Variants in STAG1 observed in about 807,000 individuals in gnomAD.
STAG1 encodes STAG1 cohesin complex component.
In STAG1, 26 loss-of-function variants were observed where a neutral mutation model predicts 170.9. The ratio of observed to expected loss-of-function variants is 0.15; its 90% CI spans 0.11 to 0.21. The LOEUF is 0.21. STAG1 is among the 10% of genes least tolerant of loss of function. The pLI is 1.00. For missense variants in STAG1, 964 were observed against 1,509.5 expected, an observed-to-expected ratio of 0.64 and a Z score of 5.99; for synonymous variants, 514 against 497.7, an observed-to-expected ratio of 1.03 and a Z score of -0.44.
chr3:136,462,975 C>A (rs961721659), intron 13 of STAG1, among the ~76,000 whole-genome samples: 1 of 151,954 alleles, frequency 6.6e-6, no homozygotes, highest in Admixed American at 6.6e-5. Flanking sequence ...ACAGAAGCAA[C>A]AAATTATTTC....
intron 6 of STAG1, among the ~76,000 whole-genome samples, chr3:136,541,792 T>A (rs1935917723): frequency 1.3e-5 from 2 of 152,284 alleles, no homozygotes; most frequent in African/African-American, 4.8e-5. Flanking sequence ...TTAATGCAAC[T>A]AGCATTCCAC....
rs192534494 is a variant in STAG1, at chr3:136,342,281, A to C, written c.3447-730T>G. 5.9e-5 allele frequency among the ~76,000 whole-genome samples: 9 copies of C among 151,618 alleles called. No individual in the cohort carries two copies. The East Asian group carries it at 1.8e-3, about 30-fold the overall frequency. ...TGATCCACTTGCCTCGGCCTCCCAA[A>C]GTGCTGGGATTACAGGCATGAGCCA... On this transcript the variant is annotated intron_variant, in intron 30 of 33. Transcript: ENST00000383202.
intron 5 of STAG1, among the ~76,000 whole-genome samples, chr3:136,549,101 G>A (rs1185861247): frequency 6.6e-6 from 1 of 152,076 alleles, no homozygotes; most frequent in Non-Finnish European, 1.5e-5. Context: ...TTACAGCAGT[G>A]GAAACGGACT....
intron 1 of STAG1, among the ~76,000 whole-genome samples, chr3:136,713,263 T>C (rs1943432874): frequency 2.6e-5 from 4 of 151,916 alleles, no homozygotes; most frequent in South Asian, 2.1e-4. Flanking sequence ...TCACAAACAA[T>C]GCTGAGCCAA....
intron 6 of STAG1, among the ~76,000 whole-genome samples, chr3:136,531,092 G>A (rs1242678067): frequency 2.6e-5 from 4 of 152,102 alleles, no homozygotes; most frequent in African/African-American, 9.7e-5. Flanking sequence ...CAACAAGAGC[G>A]AAACTCTGTC....
intron 9 of STAG1, among the ~76,000 whole-genome samples, chr3:136,484,370 G>T (rs1025994224): frequency 6.8e-6 from 1 of 147,008 alleles, no homozygotes; most frequent in African/African-American, 2.5e-5. Flanking sequence ...GCTGTGGGGT[G>T]TCTCCCAGTT....
At chr3:136,436,289 T>C (rs1336374982) in intron 15 of STAG1, among the ~76,000 whole-genome samples, 3 of 151,720 alleles carry the variant, frequency 2.0e-5, no homozygotes, top group Admixed American at 6.6e-5. Context: ...CAGATATTTT[T>C]GGTTTTTTTG....
At chr3:136,368,217 C>T (rs1321798886) in intron 24 of STAG1, among the ~76,000 whole-genome samples, 2 of 152,156 alleles carry the variant, frequency 1.3e-5, no homozygotes, top group South Asian at 2.1e-4. Flanking sequence ...AACAGCCGAA[C>T]AGCATCAAAT....
chr3:136,353,859 C>A (rs1936527751), intron 28 of STAG1, among the ~76,000 whole-genome samples: 1 of 152,088 alleles, frequency 6.6e-6, no homozygotes, highest in South Asian at 2.1e-4. Flanking sequence ...TTTACTTATC[C>A]CTTCTCTCTT....
chr3:136,530,701 A>T (rs1935325875), intron 6 of STAG1, among the ~76,000 whole-genome samples: 1 of 152,194 alleles, frequency 6.6e-6, no homozygotes, highest in East Asian at 1.9e-4. Context: ...AAATCAAAAC[A>T]TGCCTTGAAA....
chr3:136,734,859 T>C (rs1400714447), intron 1 of STAG1, among the ~76,000 whole-genome samples: 1 of 152,206 alleles, frequency 6.6e-6, no homozygotes, highest in Non-Finnish European at 1.5e-5. Flanking sequence ...ATCCTGCCAT[T>C]CGTGACAACA....
intron 16 of STAG1, among the ~76,000 whole-genome samples, chr3:136,430,810 C>A (rs377485580): frequency 1.4e-5 from 1 of 69,528 alleles, no homozygotes; most frequent in East Asian, 2.4e-4. Flanking sequence ...TAGACAGACA[C>A]ACACACACAC....
intron 14 of STAG1, among the ~76,000 whole-genome samples, chr3:136,449,616 A>G (rs1293931583): frequency 2.0e-5 from 3 of 152,098 alleles, no homozygotes; most frequent in Non-Finnish European, 4.4e-5. Flanking sequence ...AATACATTCT[A>G]ATTCTGTTGT....
At chr3:136,508,346 A>C (rs1933874104) in intron 7 of STAG1, among the ~76,000 whole-genome samples, 1 of 152,140 alleles carries the variant, frequency 6.6e-6, no homozygotes, top group Non-Finnish European at 1.5e-5. Context: ...AAAGCTTAAG[A>C]GAAAAAATAG....
intron 6 of STAG1, among the ~76,000 whole-genome samples, chr3:136,537,570 G>A (rs1424754293): frequency 6.8e-6 from 1 of 147,394 alleles, no homozygotes; most frequent in Non-Finnish European, 1.5e-5. Context: ...GCGTGATCTC[G>A]GTTCACTGCA....
At chr3:136,647,889 C>T (rs1576712128) in intron 1 of STAG1, among the ~76,000 whole-genome samples, 1 of 152,144 alleles carries the variant, frequency 6.6e-6, no homozygotes, top group Non-Finnish European at 1.5e-5. Context: ...ATTGAAAATA[C>T]TCTTTGGAAA....
intron 3 of STAG1, among the ~76,000 whole-genome samples, chr3:136,611,181 C>T (rs117817168): frequency 0.011 from 1,652 of 152,232 alleles, 26 homozygotes; most frequent in East Asian, 0.045. Context: ...CACAGTTTCA[C>T]TCTTGCCGCC....
chr3:136,446,659 G>C (rs1002050570), intron 14 of STAG1, among the ~76,000 whole-genome samples: 1 of 151,994 alleles, frequency 6.6e-6, no homozygotes, highest in African/African-American at 2.4e-5. Context: ...CTGACCTCAA[G>C]TGATCCACCC....
At chr3:136,597,384 A>C (rs913408348) in intron 4 of STAG1, among the ~76,000 whole-genome samples, 3 of 152,208 alleles carry the variant, frequency 2.0e-5, no homozygotes, top group African/African-American at 7.2e-5. Flanking sequence ...GATATTACCA[A>C]AATAGTCTCC....
Sources: allele counts gnomAD v4.1 joint callset (sites outside exome capture counted in the v4.1 genomes callset), GRCh38; gene constraint gnomAD v4.1.1; transcripts MANE v1.5; gene names NCBI Gene and HGNC (gene_info 2026-07-23, HGNC 2026-07-21).